LYST: variants seen among roughly 807,000 people sequenced by gnomAD.
LYST encodes lysosomal-trafficking regulator.
LYST carries 192 observed loss-of-function variants against 413.6 expected under a neutral mutation model. The ratio of observed to expected loss-of-function variants is 0.46; its 90% CI spans 0.41 to 0.52. The LOEUF is 0.52. Ranked by LOEUF, LYST falls within the 20% of genes least tolerant of loss-of-function variation. The probability of loss-of-function intolerance (pLI) is 0.00; values close to 1 mark genes in which losing one functional copy is unlikely to be tolerated. For synonymous variants in LYST, 1,525 were observed against 1,567.3 expected, an observed-to-expected ratio of 0.97 and a Z score of 0.64; for missense variants, 3,815 against 4,499.9, an observed-to-expected ratio of 0.85 and a Z score of 4.35.
At chr1:235,864,058 C>T (rs1175501370) in intron 1 of LYST, among the ~76,000 whole-genome samples, 1 of 152,120 alleles carries the variant, frequency 6.6e-6, no homozygotes, top group Admixed American at 6.5e-5. Flanking sequence ...CCCGTTAGGT[C>T]GGCTTAGCCA....
chr1:235,718,799 T>G (rs1663076667), intron 40 of LYST, among the ~76,000 whole-genome samples: 1 of 152,224 alleles, frequency 6.6e-6, no homozygotes, highest in African/African-American at 2.4e-5. Context: ...TTCCTTTAAT[T>G]GCCAAATTTC....
chr1:235,822,003 T>C (rs1401901813), intron 3 of LYST, among the ~76,000 whole-genome samples: 2 of 152,228 alleles, frequency 1.3e-5, no homozygotes, highest in East Asian at 1.9e-4. Context: ...AAGGCTATTA[T>C]AGATGTGGCT....
chr1:235,788,971 G>C, intron 12 of LYST, 126 bp from the exon 13 acceptor site: 1 of 836,750 alleles, frequency 1.2e-6, no homozygotes, highest in Non-Finnish European at 2.0e-6. Context: ...GAATGTCTGA[G>C]CCTGACCTGT....
intron 5 of LYST, 144 bp from the exon 6 acceptor site, chr1:235,806,916 G>A: frequency 3.0e-6 from 2 of 656,120 alleles, no homozygotes; most frequent in Non-Finnish European, 5.3e-6. Context: ...TCAGGCTAAA[G>A]TTCTTAGTTA....
At chr1:235,747,060 T>C (rs1022894424) in intron 28 of LYST, 21 of 266,078 alleles carry the variant, frequency 7.9e-5, no homozygotes, top group Admixed American at 5.0e-5. Context: ...GTTATTAAAA[T>C]GATTTAAAAC....
At chr1:235,791,512 A>T (rs1237444327) in intron 12 of LYST, 187 bp downstream of exon 12, 1 of 604,236 alleles carries the variant, frequency 1.7e-6, no homozygotes, top group African/African-American at 1.9e-5. Context: ...AAGTTTCCGT[A>T]ATAGAGATTC....
chr1:235,758,866 T>G (rs990906047), intron 23 of LYST, 106 bp downstream of exon 23: 32 of 927,130 alleles, frequency 3.5e-5, no homozygotes, highest in Non-Finnish European at 5.5e-5. Flanking sequence ...AACTTTTCTG[T>G]TTGTTGTATT....
intron 22 of LYST, among the ~76,000 whole-genome samples, chr1:235,761,026 G>T (rs899832008): frequency 2.0e-5 from 3 of 152,174 alleles, no homozygotes; most frequent in Non-Finnish European, 2.9e-5. Flanking sequence ...GGCAGAGGTG[G>T]GTGGCTCACT....
chr1:235,662,676 C>A lies in LYST; in HGVS notation c.*264G>T, dbSNP rs1356107544. On this transcript the variant is annotated 3_prime_UTR_variant, in exon 53 of 53. Coordinates refer to ENST00000389793, the MANE Select transcript of LYST (RefSeq NM_000081.4). ...TGGTGGGAAAAAATTTTAAGAATATCATTTTAATGTACCATGCGAGGCTTA... is the reference window on the plus strand; with the variant it reads ...TGGTGGGAAAAAATTTTAAGAATATAATTTTAATGTACCATGCGAGGCTTA... The A allele has an allele frequency of 6.4e-6, 3 of 469,156 alleles. No individual in the cohort carries two copies. The highest frequency in any genetic ancestry group is 4.1e-5 in the East Asian group (1 of 24,242). The allele number at this position is 469,156 out of a possible 1,614,324, so 29.1% of individuals were successfully genotyped here.
chr1:235,784,616 T>G (rs1303558541), intron 14 of LYST, among the ~76,000 whole-genome samples: 1 of 152,218 alleles, frequency 6.6e-6, no homozygotes, highest in Admixed American at 6.5e-5. Flanking sequence ...AGGTCTCAGT[T>G]GCCTCATATG....
chr1:235,677,074 G>T lies in LYST; in HGVS notation c.11038+17C>A. The T allele has an allele frequency of 6.2e-7, 1 of 1,600,490 alleles. No homozygotes were observed. The highest frequency in any genetic ancestry group is 8.6e-7 in the Non-Finnish European group (1 of 1,167,764). Reference sequence around the variant, plus strand: ...GAGCACCAGCCAGCCCTGTGCTTTGGGTTGGAGCAAGCTCACCTGAATCAC... The same window carrying T: ...GAGCACCAGCCAGCCCTGTGCTTTGTGTTGGAGCAAGCTCACCTGAATCAC... On this transcript the variant is annotated intron_variant, in intron 50 of 52. Transcript: ENST00000389793.
At chr1:235,715,141 G>T in intron 42 of LYST, 60 bp downstream of exon 42, 1 of 1,275,038 alleles carries the variant, frequency 7.8e-7, no homozygotes, top group Non-Finnish European at 1.1e-6. Flanking sequence ...AGTTGTTGTT[G>T]TTGTTGTTGT....
chr1:235,702,516 C>T (rs980853839), intron 45 of LYST, among the ~76,000 whole-genome samples: 4 of 152,192 alleles, frequency 2.6e-5, no homozygotes, highest in African/African-American at 7.2e-5. Context: ...GGGAGGTTAC[C>T]GTCTGAAACG....
At chr1:235,870,678 T>A (rs2103225716), upstream of LYST, among the ~76,000 whole-genome samples, 1 of 152,340 alleles carries the variant, frequency 6.6e-6, no homozygotes, top group South Asian at 2.1e-4. Flanking sequence ...ATTTCTTATG[T>A]TTATTTTCAT....
rs561872037 is a variant in LYST, at chr1:235,831,220, C to T, written c.-7-796G>A. 5.9e-5 allele frequency among the ~76,000 whole-genome samples: 9 copies of T among 152,282 alleles called. No homozygotes were observed. The South Asian group carries it at 1.2e-3, about 21-fold the overall frequency. On this transcript the variant is annotated intron_variant, in intron 2 of 52. Transcript: ENST00000389793. ...ATGTATTGCCTCACCTCCCTTCACC[C>T]GCTTCAGGGGGAAGCCCTCCCCACA...
At chr1:235,787,451 T>C in intron 13 of LYST, 78 bp from the exon 14 acceptor site, 1 of 1,108,300 alleles carries the variant, frequency 9.0e-7, no homozygotes, top group Non-Finnish European at 1.4e-6. Context: ...ATAGTAACTA[T>C]AATTCTAAAT....
At chr1:235,666,758 A>G (rs188121583) in intron 50 of LYST, among the ~76,000 whole-genome samples, 7 of 152,304 alleles carry the variant, frequency 4.6e-5, no homozygotes, top group African/African-American at 1.7e-4. Context: ...TTCCATGAGT[A>G]GGCTACATTT....
chr1:235,881,353 C>G (rs913086586), intron 1 of LYST, among the ~76,000 whole-genome samples: 2 of 152,138 alleles, frequency 1.3e-5, no homozygotes, highest in African/African-American at 4.8e-5. Context: ...AAAATTACTC[C>G]TTGGAAGTTT....
rs771987578 is a variant in LYST, at chr1:235,810,300, T to C, written c.518A>G (p.Asp173Gly). Residue 173 changes from aspartate (D) to glycine (G), a missense_variant, in exon 5 of 53, where the codon GAT becomes GGT. Around this residue, in one of 4 missense-constraint regions of LYST, gnomAD observed 1,648 missense variants for 1,810.3 expected, o/e 0.91. Coordinates refer to ENST00000389793, the MANE Select transcript of LYST (RefSeq NM_000081.4). Reference protein sequence around the residue: ...LSTSDSEANSDEKGIAMNKHR... With the variant: ...LSTSDSEANSGEKGIAMNKHR... ...CTTATTCATTGCTATGCCTTTTTCA[T>C]CTGAATTGGCTTCTGAATCTGAGGT... The C allele has an allele frequency of 1.2e-6, 2 of 1,614,180 alleles. No individual in the cohort carries two copies. Among genetic ancestry groups the C allele is most frequent in the Admixed American group, 1.7e-5 (1 of 60,022 alleles).
Sources: allele counts gnomAD v4.1 joint callset (sites outside exome capture counted in the v4.1 genomes callset), GRCh38; gene constraint gnomAD v4.1.1; regional missense constraint gnomAD v4.1.1; transcripts MANE v1.5; gene names NCBI Gene and HGNC (gene_info 2026-07-23, HGNC 2026-07-21).